The following CAMK2G variants were observed in gnomAD, a reference collection of about 807,000 sequenced individuals.
The protein encoded by CAMK2G is calcium/calmodulin-dependent protein kinase type II subunit gamma.
A neutral mutation model predicts 88.7 loss-of-function variants in CAMK2G; 23 were observed. The ratio of observed to expected loss-of-function variants is 0.26; its 90% confidence interval spans 0.19 to 0.37. The LOEUF is 0.37. Among genes scored for constraint, CAMK2G ranks in the 10% least tolerant of loss-of-function variants. The pLI is 1.00. For missense variants in CAMK2G, 476 were observed against 780.8 expected (o/e 0.61, Z 4.65); for synonymous variants, 263 against 294.8 (o/e 0.89, Z 1.11).
intron 14 of CAMK2G, 99 bp downstream of exon 14, chr10:73,837,369 A>T: frequency 1.1e-6 from 1 of 925,424 alleles, no homozygotes; most frequent in Non-Finnish European, 1.8e-6. Context: ...TAGCAAGGAT[A>T]GGAAGATTCC....
chr10:73,822,656 T>A (rs1757813511), intron 17 of CAMK2G, among the ~76,000 whole-genome samples: 1 of 152,054 alleles, frequency 6.6e-6, no homozygotes, highest in Non-Finnish European at 1.5e-5. Flanking sequence ...TCTCCCCGTC[T>A]CACTTTGCTC....
Position 73,842,692 on chromosome 10 carries a change from G to A in CAMK2G, c.820-151C>T, listed in dbSNP as rs1449971328. On this transcript the variant is annotated intron_variant, in intron 10 of 22. Transcript: ENST00000423381. The surrounding 1 kb of genome is among the most constrained non-coding windows in gnomAD (Gnocchi z 4.6). ...GAAATGAGGTCACAGATGTGAAAAC[G>A]CTTTTAGAATAAAAGCACTACCCGA... is the stretch of plus-strand genomic sequence containing the variant. 16 of 612,654 alleles carry A rather than the reference G, an allele frequency of 2.6e-5. No individual in the cohort carries two copies. In the Admixed American group the frequency reaches 3.5e-4, roughly 13 times the overall value. 38.0% of individuals were successfully genotyped at this position (612,654 alleles called of 1,614,324 possible).
chr10:73,841,857 G>T, intron 12 of CAMK2G: 1 of 315,024 alleles, frequency 3.2e-6, no homozygotes, highest in South Asian at 4.6e-5. Context: ...TCCTAGAATG[G>T]CTAAAATCTG....
chr10:73,831,554 A>G (rs1409456237), intron 14 of CAMK2G, among the ~76,000 whole-genome samples: 2 of 149,316 alleles, frequency 1.3e-5, no homozygotes, highest in Admixed American at 6.7e-5. Flanking sequence ...AAAAAAAAAA[A>G]AAAAAGAAAG....
chr10:73,837,908 G>A (rs940190413), intron 13 of CAMK2G, among the ~76,000 whole-genome samples: 2 of 152,226 alleles, frequency 1.3e-5, no homozygotes, highest in African/African-American at 4.8e-5. Flanking sequence ...TGGCCAAACT[G>A]CAAGGATGCA....
At chr10:73,835,299 CTT>C (rs112225816) in intron 14 of CAMK2G, among the ~76,000 whole-genome samples, 43 of 143,468 alleles carry the variant, frequency 3.0e-4, no homozygotes, top group Admixed American at 4.2e-4. Context: ...CAGCAGGTAT[CTT>C]TTTTTTTTTT....
rs143475208 is a variant in CAMK2G, at chr10:73,857,316, C to G, written c.220+3514G>C. Reference sequence around the variant, plus strand: ...TCCTAGCCCCCTTTCCTGGCTGAACCCTTTCATAACAACTCCACGAAGGGA... The same window carrying G: ...TCCTAGCCCCCTTTCCTGGCTGAACGCTTTCATAACAACTCCACGAAGGGA... On this transcript the variant is annotated intron_variant, in intron 3 of 22. Coordinates refer to ENST00000423381, the MANE Select transcript of CAMK2G (RefSeq NM_001367534.1). Among the ~76,000 whole-genome samples, 1,133 of 152,186 alleles carry G rather than the reference C, an allele frequency of 7.4e-3. 14 individuals carry two copies. The highest frequency in any genetic ancestry group is 0.026 in the African/African-American group (1,081 of 41,514).
chr10:73,816,973 A>G, intron 21 of CAMK2G, 50 bp downstream of exon 21: 1 of 1,613,892 alleles, frequency 6.2e-7, no homozygotes. Flanking sequence ...GACAGAGACA[A>G]AGGGGTAAAG....
rs145259241 is a variant in CAMK2G at position 73,864,445 on chromosome 10, T to C, written c.161-3556A>G. Among the ~76,000 whole-genome samples the C allele has an allele frequency of 2.3e-3, 355 of 152,096 alleles. 1 individual carries two copies. Among genetic ancestry groups the C allele is most frequent in the South Asian group, 9.6e-3 (46 of 4,812 alleles). On this transcript the variant is annotated intron_variant, in intron 2 of 22. Transcript: ENST00000423381. The stretch of plus-strand genomic sequence containing the variant: ...TTGTGTATGGGGGAGGGATGGACAG[T>C]AAGAAAACTCAACAGCACGTTAGAT...
chr10:73,856,222 T>C (rs2095027815), intron 3 of CAMK2G, among the ~76,000 whole-genome samples: 1 of 152,118 alleles, frequency 6.6e-6, no homozygotes, highest in South Asian at 2.1e-4. Flanking sequence ...AATAACCCCA[T>C]CTGACAGGAG....
At chr10:73,847,003 T>C (rs1449500232) in intron 10 of CAMK2G, 8 of 526,450 alleles carry the variant, frequency 1.5e-5, no homozygotes, top group Non-Finnish European at 2.4e-5. Context: ...CTGACAGCCA[T>C]GAGTGGGGGA....
chr10:73,865,321 G>A (rs990035129), intron 2 of CAMK2G, among the ~76,000 whole-genome samples: 2 of 152,176 alleles, frequency 1.3e-5, no homozygotes, highest in African/African-American at 4.8e-5. Context: ...CTCAGAGAGA[G>A]GGGAACGCCG....
intron 9 of CAMK2G, among the ~76,000 whole-genome samples, chr10:73,847,631 G>C (rs1376479618): frequency 6.6e-6 from 1 of 152,300 alleles, no homozygotes; most frequent in Non-Finnish European, 1.5e-5. Context: ...ACTTAGGAGG[G>C]AACAGAGGCT....
intron 3 of CAMK2G, among the ~76,000 whole-genome samples, chr10:73,856,356 C>A (rs1018511961): frequency 6.6e-6 from 1 of 152,196 alleles, no homozygotes; most frequent in Non-Finnish European, 1.5e-5. Flanking sequence ...GAGTCACCTT[C>A]TCAAATTCTT....
chr10:73,833,645 G>A (rs2092813504), intron 14 of CAMK2G, among the ~76,000 whole-genome samples: 2 of 150,934 alleles, frequency 1.3e-5, no homozygotes, highest in South Asian at 4.2e-4. Flanking sequence ...CCCCAGGCTG[G>A]AGTGCAGTGG....
Position 73,849,282 on chromosome 10 carries a change from G to A in CAMK2G, c.393C>T (p.Asp131=), listed in dbSNP as rs1433372984. 1 of 1,613,600 alleles carries A rather than the reference G, an allele frequency of 6.2e-7. No homozygotes were observed. Among genetic ancestry groups the A allele is most frequent in the Non-Finnish European group, 8.5e-7 (1 of 1,179,648 alleles). ...GTACCTTCAGGTCCCTGTGGACGAT[G>A]TCATGCTGGTGGATGTGGTTAACAC... ...LESVNHIHQH[D]IVHRDLKPEN... is the part of the protein sequence containing the mutation. The change falls in exon 6 of 23, where the codon GAC becomes GAT. Residue 131 remains aspartate, a synonymous_variant. Transcript: ENST00000423381.
intron 19 of CAMK2G, 99 bp downstream of exon 19, chr10:73,819,433 G>A (rs564733382): frequency 2.3e-5 from 19 of 815,484 alleles, no homozygotes; most frequent in South Asian, 4.4e-5. Context: ...TTACTACCAC[G>A]GGCAGGTGGG....
rs1448459976 is a variant in CAMK2G, at chr10:73,812,950, C to T, written c.*1568G>A. The T allele has an allele frequency of 6.5e-6, 1 of 152,724 alleles. No individual in the cohort carries two copies. Among genetic ancestry groups the T allele is most frequent in the African/African-American group, 2.4e-5 (1 of 41,468 alleles). 9.5% of individuals were successfully genotyped at this position (152,724 alleles called of 1,614,324 possible). On this transcript the variant is annotated 3_prime_UTR_variant, in exon 23 of 23. Transcript: ENST00000423381. ...AAGCACCAGCACCTGTGAGTCTGCT[C>T]TCTTCTCAGCTGGCTCCCAAGTAAA... is the stretch of plus-strand genomic sequence containing the variant.
intron 19 of CAMK2G, chr10:73,818,892 G>A (rs759465001): frequency 1.1e-5 from 5 of 449,452 alleles, no homozygotes; most frequent in South Asian, 6.2e-5. Flanking sequence ...CAGCACAGAC[G>A]TAACTAGAAA....
Sources: allele counts gnomAD v4.1 joint callset (sites outside exome capture counted in the v4.1 genomes callset), GRCh38; gene constraint gnomAD v4.1.1; non-coding constraint Gnocchi (gnomAD v3.1); transcripts MANE v1.5; gene names NCBI Gene and HGNC (gene_info 2026-07-23, HGNC 2026-07-21).